Variants in PCGF5 observed in about 807,000 individuals in gnomAD.
The protein encoded by PCGF5 is polycomb group ring finger 5, also known as polycomb group RING finger protein 5.
In PCGF5, 9 loss-of-function variants were observed where a neutral mutation model predicts 44.3. That is an observed-to-expected ratio of 0.20 (90% CI 0.12 to 0.35). The LOEUF is 0.35. Ranked by LOEUF, PCGF5 falls within the 10% of genes least tolerant of loss-of-function variation. PCGF5 has a pLI of 1.00. For synonymous variants in PCGF5, 95 were observed against 102.5 expected, an observed-to-expected ratio of 0.93 and a Z score of 0.44; for missense variants, 146 against 305.3, an observed-to-expected ratio of 0.48 and a Z score of 3.89.
At chr10:91,273,191 C>T (rs1293250729) in intron 9 of PCGF5, among the ~76,000 whole-genome samples, 1 of 152,160 alleles carries the variant, frequency 6.6e-6, no homozygotes, top group Non-Finnish European at 1.5e-5. Flanking sequence ...TCTCTCTATG[C>T]AGATAAGGGT....
chr10:91,184,825 A>T (rs149781537), intron 1 of PCGF5, among the ~76,000 whole-genome samples: 333 of 152,022 alleles, frequency 2.2e-3, no homozygotes, highest in Non-Finnish European at 3.6e-3. Context: ...ATTTTTCAGT[A>T]TCTGGAGGTA....
chr10:91,195,485 T>TATATATAG (rs1197621729), intron 1 of PCGF5, among the ~76,000 whole-genome samples: 2 of 113,484 alleles, frequency 1.8e-5, no homozygotes, highest in African/African-American at 6.3e-5. Flanking sequence ...TATATATATA[T>TATATATAG]AGAGAGAGAG....
chr10:91,182,400 T>C (rs1843837254), intron 1 of PCGF5, among the ~76,000 whole-genome samples: 1 of 152,210 alleles, frequency 6.6e-6, no homozygotes, highest in Non-Finnish European at 1.5e-5. Context: ...AGGTCAGTGG[T>C]AGTGCCCTCC....
At chr10:91,184,980 T>C (rs539470663) in intron 1 of PCGF5, among the ~76,000 whole-genome samples, 3 of 152,244 alleles carry the variant, frequency 2.0e-5, no homozygotes, top group East Asian at 3.9e-4. Context: ...TCTCACCCAG[T>C]CAGGAGGAAC....
intron 1 of PCGF5, among the ~76,000 whole-genome samples, chr10:91,192,569 C>A (rs1844052631): frequency 6.6e-6 from 1 of 152,082 alleles, no homozygotes; most frequent in Non-Finnish European, 1.5e-5. Context: ...TTTATTTATT[C>A]AAGAAATACC....
chr10:91,183,416 T>C (rs1807921834), intron 1 of PCGF5, among the ~76,000 whole-genome samples: 2 of 137,736 alleles, frequency 1.5e-5, no homozygotes, highest in South Asian at 4.5e-4. Flanking sequence ...CAACCTCTGC[T>C]TTTTTTTTTT....
chr10:91,201,015 T>A (rs1445211294), intron 1 of PCGF5, among the ~76,000 whole-genome samples: 3 of 152,018 alleles, frequency 2.0e-5, no homozygotes, highest in African/African-American at 4.8e-5. Flanking sequence ...GGAAAAATAG[T>A]GTGAAGTGGA....
upstream of PCGF5, among the ~76,000 whole-genome samples, chr10:91,159,254 T>A (rs1005078743): frequency 6.6e-6 from 1 of 152,196 alleles, no homozygotes; most frequent in Non-Finnish European, 1.5e-5. Context: ...GTCATAATTT[T>A]TTTTTGCCTA....
At chr10:91,248,752 C>G (rs528474412) in intron 5 of PCGF5, 28 bp downstream of exon 5, 1 of 1,568,200 alleles carries the variant, frequency 6.4e-7, no homozygotes, top group Non-Finnish European at 8.7e-7. Context: ...CTGTTTCTGA[C>G]AGCACCTCTT....
chr10:91,260,507 A>T (rs1361729426), intron 6 of PCGF5, among the ~76,000 whole-genome samples: 3 of 152,152 alleles, frequency 2.0e-5, no homozygotes, highest in Non-Finnish European at 2.9e-5. Context: ...AGACACATGC[A>T]CACATATGTT....
At chr10:91,234,783 G>A (rs1564643376) in intron 2 of PCGF5, among the ~76,000 whole-genome samples, 1 of 152,156 alleles carries the variant, frequency 6.6e-6, no homozygotes, top group Non-Finnish European at 1.5e-5. Context: ...AACCCTGTGA[G>A]ATAGGTACCT....
intron 1 of PCGF5, among the ~76,000 whole-genome samples, chr10:91,183,210 T>A (rs1393147592): frequency 1.3e-5 from 2 of 152,320 alleles, no homozygotes; most frequent in South Asian, 4.1e-4. Flanking sequence ...TCTCCCACTA[T>A]TATTGTGTGG....
chr10:91,167,178 T>C (rs1843515575), intron 1 of PCGF5, among the ~76,000 whole-genome samples: 1 of 152,218 alleles, frequency 6.6e-6, no homozygotes, highest in African/African-American at 2.4e-5. Context: ...GATAAGTACA[T>C]TTTCATTATT....
At chr10:91,243,377 T>G (rs1408290442) in intron 3 of PCGF5, among the ~76,000 whole-genome samples, 1 of 152,238 alleles carries the variant, frequency 6.6e-6, no homozygotes. Context: ...TGGATTTTGT[T>G]AGCCAGAAAT....
chr10:91,217,268 T>C (rs6583761), upstream of PCGF5, among the ~76,000 whole-genome samples: 20,641 of 152,092 alleles, frequency 0.14, 2,700 homozygotes, highest in African/African-American at 0.34. Flanking sequence ...CTCCTGACCT[T>C]GTGACCACCC....
chr10:91,163,882 C>T (rs980969939), intron 1 of PCGF5, among the ~76,000 whole-genome samples: 2 of 152,162 alleles, frequency 1.3e-5, no homozygotes, highest in Non-Finnish European at 2.9e-5. Context: ...GCTCCCATCC[C>T]CTCCCCGCCA....
chr10:91,236,902 CA>C (rs1476943314), intron 2 of PCGF5, among the ~76,000 whole-genome samples: 1 of 152,084 alleles, frequency 6.6e-6, no homozygotes, highest in Admixed American at 6.6e-5. Context: ...GGGCTCTATA[CA>C]GTTTAAAAGG....
At chr10:91,161,914 G>A (rs1290285627), upstream of PCGF5, among the ~76,000 whole-genome samples, 1 of 152,028 alleles carries the variant, frequency 6.6e-6, no homozygotes, top group Non-Finnish European at 1.5e-5. Flanking sequence ...AGATCAGAGA[G>A]GGTACAGCAC....
chr10:91,251,559 T>A, intron 6 of PCGF5, 119 bp downstream of exon 6: 1 of 964,344 alleles, frequency 1.0e-6, no homozygotes, highest in Non-Finnish European at 1.6e-6. Flanking sequence ...TTAACATAAT[T>A]AAATAAAATG....
Sources: gnomAD v4.1 joint callset for allele counts (sites outside exome capture counted in the v4.1 genomes callset) on GRCh38, gnomAD v4.1.1 for gene constraint, MANE v1.5 for transcripts, NCBI Gene and HGNC (gene_info 2026-07-23, HGNC 2026-07-21) for gene names.